Variants in APOO observed in about 807,000 individuals in gnomAD.
APOO encodes MICOS complex subunit MIC26.
A neutral mutation model predicts 23.1 loss-of-function variants in APOO; 11 were observed. That is an observed-to-expected ratio of 0.48 (90% CI 0.30 to 0.79). The LOEUF (loss-of-function observed/expected upper bound fraction) is 0.79, where lower values mean the gene tolerates loss of function less well. Ranked by LOEUF, APOO falls within the 30% of genes least tolerant of loss-of-function variation. The probability of loss-of-function intolerance (pLI) is 0.07; values close to 1 mark genes in which losing one functional copy is unlikely to be tolerated. For missense variants in APOO, 160 were observed against 142.7 expected, an observed-to-expected ratio of 1.12 and a Z score of -0.62; for synonymous variants, 59 against 54.8, an observed-to-expected ratio of 1.08 and a Z score of -0.34.
Position 23,878,856 on chromosome X carries a change from A to G in APOO, c.237+59T>C. On this transcript the variant is annotated intron_variant, in intron 3 of 8. Coordinates refer to ENST00000379226, the MANE Select transcript of APOO (RefSeq NM_024122.5). ...TTCCAAAAACATGCAGCCAATACAG[A>G]CTTTCCTCTATGGACTCTAAACAGA... The G allele has an allele frequency of 3.4e-6, 4 of 1,170,691 alleles. 1 individual carries two copies. The South Asian group carries it at 7.6e-5, about 22-fold the overall frequency.
chrX:23,890,799 T>C, intron 1 of APOO, among the ~76,000 whole-genome samples: 1 of 111,879 alleles, frequency 8.9e-6, no homozygotes, highest in Non-Finnish European at 1.9e-5. Flanking sequence ...CTTAATGATA[T>C]TTTCAACTTA....
chrX:23,885,897 C>G (rs1174384667), intron 1 of APOO, among the ~76,000 whole-genome samples: 3 of 111,495 alleles, frequency 2.7e-5, no homozygotes, highest in East Asian at 5.6e-4. Context: ...AAACCTCACC[C>G]CAGGAGACCT....
chrX:23,875,757 A>T (rs2147012369), intron 3 of APOO, among the ~76,000 whole-genome samples: 1 of 110,938 alleles, frequency 9.0e-6, no homozygotes, highest in African/African-American at 3.3e-5. Context: ...AGTTCAAGTC[A>T]GAACAAGCTA....
intron 5 of APOO, 82 bp downstream of exon 5, chrX:23,868,511 T>C (rs186381955): frequency 3.2e-5 from 26 of 803,327 alleles, no homozygotes; most frequent in Non-Finnish European, 5.4e-6. Context: ...TTCTGAAACC[T>C]GGTAAATGAA....
chrX:23,846,310 CAA>C (rs1227084225), intron 7 of APOO, among the ~76,000 whole-genome samples: 1 of 33,918 alleles, frequency 2.9e-5, no homozygotes, highest in Non-Finnish European at 5.0e-5. Context: ...GACTCCATCT[CAA>C]AAAAAAAAAA....
At chrX:23,841,387 G>C (rs1923963077) in intron 7 of APOO, among the ~76,000 whole-genome samples, 1 of 107,513 alleles carries the variant, frequency 9.3e-6, no homozygotes, top group South Asian at 4.1e-4. Flanking sequence ...GGGCATGTTG[G>C]TTCACGCCTG....
At chrX:23,840,709 T>C (rs1429786005) in intron 7 of APOO, 1 of 155,400 alleles carries the variant, frequency 6.4e-6, no homozygotes, top group African/African-American at 3.1e-5. Context: ...TAATCCTCAT[T>C]ATGCAGATTC....
chrX:23,898,108 GT>G (rs1224026480), intron 1 of APOO, among the ~76,000 whole-genome samples: 1 of 104,267 alleles, frequency 9.6e-6, no homozygotes, highest in Non-Finnish European at 2.0e-5. Flanking sequence ...TTTTGTTGTT[GT>G]TTTTTTTGAC....
At chrX:23,853,873 G>A (rs1022657382) in intron 7 of APOO, among the ~76,000 whole-genome samples, 1 of 110,344 alleles carries the variant, frequency 9.1e-6, no homozygotes, top group African/African-American at 3.3e-5. Context: ...GGCTCAAAGC[G>A]ATTTGCCTGC....
intron 8 of APOO, 170 bp downstream of exon 8, chrX:23,840,141 AAC>A (rs1034848840): frequency 9.4e-6 from 3 of 320,386 alleles, no homozygotes; most frequent in Admixed American, 6.0e-5. Flanking sequence ...TAGTGGAACA[AAC>A]ACAAATAAGT....
chrX:23,836,595 G>T (rs970272642), intron 8 of APOO: 1 of 629,989 alleles, frequency 1.6e-6, no homozygotes, highest in African/African-American at 2.3e-5. Context: ...CCACAGGCGT[G>T]AGCCACCACG....
At chrX:23,868,570 T>C (rs1482290879) in intron 5 of APOO, 23 bp downstream of exon 5, 1 of 1,155,202 alleles carries the variant, frequency 8.7e-7, no homozygotes, top group Admixed American at 2.2e-5. Flanking sequence ...AGCTGACTGT[T>C]AAAGCCATAA....
chrX:23,902,147 G>A (rs903271923), intron 1 of APOO, among the ~76,000 whole-genome samples: 1 of 111,771 alleles, frequency 8.9e-6, no homozygotes, highest in Non-Finnish European at 1.9e-5. Context: ...GTTCTAGACT[G>A]GGCATCGGGA....
chrX:23,873,785 T>C (rs1267910036), intron 4 of APOO, among the ~76,000 whole-genome samples: 1 of 111,416 alleles, frequency 9.0e-6, no homozygotes, highest in East Asian at 2.8e-4. Flanking sequence ...AAAAACAAGA[T>C]TTTGTTTGCG....
intron 7 of APOO, among the ~76,000 whole-genome samples, chrX:23,843,283 A>T (rs1924078344): frequency 9.0e-6 from 1 of 111,433 alleles, no homozygotes. Flanking sequence ...GTTTGGTTAC[A>T]TATCACTTAT....
Position 23,857,255 on chromosome X carries a change from T to TAA in APOO, c.481-875_481-874dup, listed in dbSNP as rs11410849. Among the ~76,000 whole-genome samples, 688 of 90,452 alleles carry TAA rather than the reference T, an allele frequency of 7.6e-3. 6 individuals are homozygous for TAA. Among genetic ancestry groups the TAA allele is most frequent in the African/African-American group, 0.025 (632 of 25,010 alleles). 78.5% of individuals were successfully genotyped at this position (90,452 alleles called of 115,157 possible). A position where few individuals can be genotyped will look rare whatever the true frequency, so the allele number is the denominator to read the frequency against. On this transcript the variant is annotated intron_variant, in intron 6 of 8. Transcript: ENST00000379226. ...CTAAAAGTTAAAAAAGAAAGAAATT[T>TAA]AAAAAAAAAAAAAAAAGACTCCTAC...
chrX:23,874,489 A>T (rs772366132), intron 3 of APOO, 32 bp from the exon 4 acceptor site: 2 of 1,095,107 alleles, frequency 1.8e-6, no homozygotes, highest in Non-Finnish European at 2.5e-6. Context: ...GAATGAAACT[A>T]TTCACAGGAT....
chrX:23,860,875 C>T (rs1422627021), intron 5 of APOO, among the ~76,000 whole-genome samples: 12 of 107,826 alleles, frequency 1.1e-4, no homozygotes, highest in Non-Finnish European at 1.9e-4. Flanking sequence ...TGCAGTGGCT[C>T]ACACCTGTAA....
At chrX:23,861,667 T>C (rs1172487783) in intron 5 of APOO, among the ~76,000 whole-genome samples, 1 of 108,107 alleles carries the variant, frequency 9.3e-6, no homozygotes, top group Non-Finnish European at 1.9e-5. Context: ...GGGGTGAGTA[T>C]GTCAGTGCCT....
Sources: allele counts gnomAD v4.1 joint callset (sites outside exome capture counted in the v4.1 genomes callset), GRCh38; gene constraint gnomAD v4.1.1; transcripts MANE v1.5; gene names NCBI Gene and HGNC (gene_info 2026-07-23, HGNC 2026-07-21).